Variants in RBFOX3 observed in about 807,000 individuals in gnomAD.
The protein encoded by RBFOX3 is RNA binding protein fox-1 homolog 3.
In RBFOX3, 17 loss-of-function variants were observed where a neutral mutation model predicts 48.7. That is an observed-to-expected ratio of 0.35 (90% CI 0.24 to 0.52). The LOEUF (loss-of-function observed/expected upper bound fraction) is 0.52. Ranked by LOEUF, RBFOX3 falls within the 20% of genes least tolerant of loss-of-function variation. The pLI, the probability that RBFOX3 is intolerant of heterozygous loss-of-function variation, is 0.94. For synonymous variants in RBFOX3, 212 were observed against 209.5 expected (o/e 1.01, Z -0.10); for missense variants, 382 against 497.5 (o/e 0.77, Z 2.21).
In RBFOX3 at chr17:79,104,141, A is replaced by G; in HGVS notation, c.361-15T>C. The G allele has an allele frequency of 6.5e-7, 1 of 1,550,104 alleles. No homozygotes were observed. Among genetic ancestry groups the G allele is most frequent in the Non-Finnish European group, 8.7e-7 (1 of 1,145,798 alleles). The stretch of plus-strand genomic sequence containing the variant: ...TTTCCGAATTGCTGCAGAGACAGAG[A>G]CAAAGAGGGAGTGGGGCAGACAGGA... On this transcript the variant is annotated splice_polypyrimidine_tract_variant and intron_variant, in intron 6 of 14. Coordinates refer to ENST00000693108, the MANE Select transcript of RBFOX3 (RefSeq NM_001350451.2).
At chr17:79,334,805 A>C (rs1452161443) in intron 2 of RBFOX3, among the ~76,000 whole-genome samples, 1 of 152,224 alleles carries the variant, frequency 6.6e-6, no homozygotes, top group Non-Finnish European at 1.5e-5. Context: ...GTGAGCTTGA[A>C]GATGCAGTGA....
chr17:79,209,071 G>A (rs1011048899), intron 4 of RBFOX3, among the ~76,000 whole-genome samples: 1 of 151,414 alleles, frequency 6.6e-6, no homozygotes, highest in Non-Finnish European at 1.5e-5. Flanking sequence ...CGCCTGCCTC[G>A]GCCTCCCAAA....
intron 2 of RBFOX3, among the ~76,000 whole-genome samples, chr17:79,314,774 G>C (rs997220726): frequency 6.6e-6 from 1 of 152,202 alleles, no homozygotes; most frequent in Non-Finnish European, 1.5e-5. Flanking sequence ...GCTTACATGT[G>C]TGTATAAATG....
At chr17:79,427,956 G>A (rs1388654217) in intron 2 of RBFOX3, among the ~76,000 whole-genome samples, 1 of 152,170 alleles carries the variant, frequency 6.6e-6, no homozygotes, top group Non-Finnish European at 1.5e-5. Context: ...GATGGAGCTG[G>A]GCCTGCTGGT....
At chr17:79,550,464 C>T (rs1190388762) in intron 1 of RBFOX3, among the ~76,000 whole-genome samples, 8 of 151,688 alleles carry the variant, frequency 5.3e-5, no homozygotes, top group African/African-American at 1.9e-4. Context: ...CACACACACA[C>T]GTCTAGTACC....
the RBFOX3 span, among the ~76,000 whole-genome samples, chr17:79,656,158 TCAACCCAGGGGCCGGC>T: frequency 6.6e-6 from 1 of 152,160 alleles, no homozygotes; most frequent in African/African-American, 2.4e-5. Context: ...AGGCAGCTTT[TCAACCCAGGGGCCGGC>T]CAACTTGCTG....
chr17:79,444,156 G>A (rs1598726695), intron 2 of RBFOX3, among the ~76,000 whole-genome samples: 1 of 152,154 alleles, frequency 6.6e-6, no homozygotes, highest in African/African-American at 2.4e-5. Context: ...GAAACCCTGG[G>A]GATATGGAGA....
At chr17:79,138,778 C>T (rs139168941) in intron 4 of RBFOX3, among the ~76,000 whole-genome samples, 143 of 23,096 alleles carry the variant, frequency 6.2e-3, no homozygotes, top group African/African-American at 0.016. Flanking sequence ...ATGCACACAG[C>T]ACATGCCTTC....
At chr17:79,645,064 A>G in the RBFOX3 span, among the ~76,000 whole-genome samples, 1 of 152,170 alleles carries the variant, frequency 6.6e-6, no homozygotes, top group East Asian at 1.9e-4. Flanking sequence ...CTGCCTTCAC[A>G]ATATACTCAG....
intron 1 of RBFOX3, among the ~76,000 whole-genome samples, chr17:79,581,948 G>A (rs1206418826): frequency 6.6e-6 from 1 of 152,118 alleles, no homozygotes; most frequent in African/African-American, 2.4e-5. Context: ...ATGCAAGCAC[G>A]TGCCTGCCCA....
chr17:79,310,199 C>T (rs2076657655), intron 2 of RBFOX3, among the ~76,000 whole-genome samples: 1 of 152,198 alleles, frequency 6.6e-6, no homozygotes, highest in Non-Finnish European at 1.5e-5. Flanking sequence ...ATGCATTCCC[C>T]AACCTGCCCC....
intron 4 of RBFOX3, among the ~76,000 whole-genome samples, chr17:79,169,943 A>G (rs1368358859): frequency 6.6e-6 from 1 of 152,008 alleles, no homozygotes; most frequent in African/African-American, 2.4e-5. Flanking sequence ...AGAGAAGGAA[A>G]GAAGGAAAAG....
At position 79,366,641 on chromosome 17, in the gene RBFOX3, G is replaced by A. The variant is rs181077235; in HGVS notation, c.-174-58817C>T. On this transcript the variant is annotated intron_variant, in intron 2 of 14. Transcript: ENST00000693108. ...CCATCGTGCACAGTCGATCCCAGCC[G>A]CCTCGCCGCCAGCCCAGCATCTGCT... is the stretch of plus-strand genomic sequence containing the variant. Among the ~76,000 whole-genome samples, 43 of 152,290 alleles carry A rather than the reference G, an allele frequency of 2.8e-4. No homozygotes were observed. In the East Asian group the frequency reaches 6.8e-3, roughly 24 times the overall value.
intron 2 of RBFOX3, among the ~76,000 whole-genome samples, chr17:79,460,955 T>A (rs1397148299): frequency 1.3e-5 from 2 of 152,210 alleles, no homozygotes; most frequent in Non-Finnish European, 2.9e-5. Flanking sequence ...TTTTTAAACC[T>A]CCATGCCTTT....
At chr17:79,353,417 G>A (rs1404930447) in intron 2 of RBFOX3, among the ~76,000 whole-genome samples, 1 of 152,216 alleles carries the variant, frequency 6.6e-6, no homozygotes, top group Non-Finnish European at 1.5e-5. Context: ...CCACTCACTA[G>A]GTGCCCAACC....
At chr17:79,159,646 A>C (rs1273757350) in intron 4 of RBFOX3, among the ~76,000 whole-genome samples, 1 of 152,216 alleles carries the variant, frequency 6.6e-6, no homozygotes, top group East Asian at 1.9e-4. Flanking sequence ...TGGTAGGGAC[A>C]CATGCACAGG....
intron 1 of RBFOX3, among the ~76,000 whole-genome samples, chr17:79,550,999 C>T (rs2091091556): frequency 1.3e-5 from 2 of 152,210 alleles, no homozygotes; most frequent in African/African-American, 2.4e-5. Flanking sequence ...GTGTGGTAGC[C>T]GCTAGCCCCA....
intron 1 of RBFOX3, among the ~76,000 whole-genome samples, chr17:79,493,196 G>T (rs2080953594): frequency 6.6e-6 from 1 of 152,054 alleles, no homozygotes; most frequent in African/African-American, 2.4e-5. Context: ...TAAACAACCA[G>T]ATCTCACATG....
intron 1 of RBFOX3, among the ~76,000 whole-genome samples, chr17:79,610,313 G>A (rs2093942937): frequency 6.6e-6 from 1 of 151,918 alleles, no homozygotes; most frequent in African/African-American, 2.4e-5. Context: ...CCACCGCCGG[G>A]TCGCCAGCCT....
Sources: gnomAD v4.1 joint callset for allele counts (sites outside exome capture counted in the v4.1 genomes callset) on GRCh38, gnomAD v4.1.1 for gene constraint, MANE v1.5 for transcripts, NCBI Gene and HGNC (gene_info 2026-07-23, HGNC 2026-07-21) for gene names.